POLR3B: variants seen among roughly 807,000 people sequenced by gnomAD.
The protein encoded by POLR3B is RNA polymerase III subunit B.
Under a neutral mutation model 147.4 loss-of-function variants are expected in POLR3B, and 96 were observed. The observed-to-expected ratio is 0.65, with a 90% CI of 0.55 to 0.77. The LOEUF (loss-of-function observed/expected upper bound fraction) is 0.77, where lower values mean the gene tolerates loss of function less well. Among genes scored for constraint, POLR3B ranks in the 30% least tolerant of loss-of-function variants. The pLI, the probability that POLR3B is intolerant of heterozygous loss-of-function variation, is 0.00. For missense variants in POLR3B, 1,036 were observed against 1,413.5 expected, an observed-to-expected ratio of 0.73 and a Z score of 4.28; for synonymous variants, 461 against 485.9, an observed-to-expected ratio of 0.95 and a Z score of 0.67.
chr12:106,462,895 A>G (rs376061781), intron 22 of POLR3B, among the ~76,000 whole-genome samples: 78 of 152,020 alleles, frequency 5.1e-4, no homozygotes, highest in African/African-American at 1.6e-3. Flanking sequence ...AGAATTGACT[A>G]TCTCCTTTGA....
intron 26 of POLR3B, among the ~76,000 whole-genome samples, chr12:106,502,551 A>T (rs2038618373): frequency 6.6e-6 from 1 of 152,156 alleles, no homozygotes; most frequent in Non-Finnish European, 1.5e-5. Flanking sequence ...ACTTTCACTG[A>T]GCACTGCCTG....
At position 106,410,939 on chromosome 12, in the gene POLR3B, G is replaced by A; in HGVS notation, c.1080G>A (p.Lys360=). 6.2e-7 allele frequency: 1 copy of A among 1,613,688 alleles called. No homozygotes were observed. The highest frequency in any genetic ancestry group is 8.5e-7 in the Non-Finnish European group (1 of 1,179,680). Residue 360 remains lysine (K), a synonymous_variant, in exon 12 of 28, where the codon AAG becomes AAA. Transcript: ENST00000228347. ...KVDDRDYYGN[K]RLELAGQLLS... is the part of the protein sequence containing the mutation. The stretch of plus-strand genomic sequence containing the variant: ...ACGACAGAGATTATTATGGTAACAA[G>A]CGACTGGAATTGGCAGGACAGGTGA...
chr12:106,401,016 A>C (rs1950972057), intron 10 of POLR3B, among the ~76,000 whole-genome samples: 1 of 152,264 alleles, frequency 6.6e-6, no homozygotes, highest in Non-Finnish European at 1.5e-5. Context: ...AAAACCCTTC[A>C]AAAACTCAAT....
intron 9 of POLR3B, among the ~76,000 whole-genome samples, chr12:106,382,989 T>G (rs144785133): frequency 6.6e-6 from 1 of 152,362 alleles, no homozygotes; most frequent in Non-Finnish European, 1.5e-5. Context: ...ATCAGTGATC[T>G]TAGCCAGATC....
At chr12:106,508,056 G>A (rs1168871547) in intron 27 of POLR3B, among the ~76,000 whole-genome samples, 2 of 152,088 alleles carry the variant, frequency 1.3e-5, no homozygotes, top group African/African-American at 4.8e-5. Context: ...AAACTTGTTT[G>A]AGGGCCCCCT....
At position 106,369,678 on chromosome 12, in the gene POLR3B, C is replaced by T. The variant is rs147328031; in HGVS notation, c.399C>T (p.Ile133=). The change falls in exon 6 of 28, where the codon ATC becomes ATT. Residue 133 remains isoleucine, a synonymous_variant. Transcript: ENST00000228347. ...SQRIIRNALP[I]GRMPIMLRSS... ...GGATCATCCGCAATGCCTTACCTAT[C>T]GGCAGGTGAGAAATGAAATCCGTAT... is the stretch of plus-strand genomic sequence containing the variant. The T allele has an allele frequency of 8.2e-4, 1,308 of 1,599,058 alleles. 27 individuals are homozygous for T. The East Asian group carries it at 8.5e-3, about 10-fold the overall frequency.
At chr12:106,487,749 G>C (rs940113293) in intron 23 of POLR3B, among the ~76,000 whole-genome samples, 1 of 152,194 alleles carries the variant, frequency 6.6e-6, no homozygotes, top group Non-Finnish European at 1.5e-5. Flanking sequence ...AGGATAATTA[G>C]TAGCTAAATG....
At chr12:106,418,420 A>T (rs1304302068) in intron 12 of POLR3B, among the ~76,000 whole-genome samples, 1 of 152,168 alleles carries the variant, frequency 6.6e-6, no homozygotes, top group Non-Finnish European at 1.5e-5. Flanking sequence ...CTGATAATGT[A>T]ATTAAGGCTG....
intron 4 of POLR3B, among the ~76,000 whole-genome samples, chr12:106,367,464 G>C (rs2036550723): frequency 6.6e-6 from 1 of 152,154 alleles, no homozygotes; most frequent in African/African-American, 2.4e-5. Context: ...AATCAATCCA[G>C]AGCTCCGTGT....
At chr12:106,465,239 T>C (rs2037988992) in intron 23 of POLR3B, among the ~76,000 whole-genome samples, 1 of 152,208 alleles carries the variant, frequency 6.6e-6, no homozygotes, top group African/African-American at 2.4e-5. Flanking sequence ...GTCTCTATCT[T>C]ACTTGGCCTC....
rs1182774939 is a variant in POLR3B, at chr12:106,509,700, A to G, written c.*151A>G. 2 of 686,866 alleles carry G rather than the reference A, an allele frequency of 2.9e-6. No homozygotes were observed. Among genetic ancestry groups the G allele is most frequent in the Admixed American group, 2.2e-5 (1 of 45,452 alleles). The allele number at this position is 686,866 out of a possible 1,614,324, so 42.5% of individuals were successfully genotyped here. A position where few individuals can be genotyped will look rare whatever the true frequency, so the allele number is the denominator to read the frequency against. ...AAAAAAAAATGGAGAGGCTTTTTAT[A>G]TACTCTAAGACTGGCTAAACAACCT... On this transcript the variant is annotated 3_prime_UTR_variant, in exon 28 of 28. Transcript: ENST00000228347.
At chr12:106,479,772 T>G (rs1377894264) in intron 23 of POLR3B, among the ~76,000 whole-genome samples, 1 of 148,362 alleles carries the variant, frequency 6.7e-6, no homozygotes, top group Non-Finnish European at 1.5e-5. Flanking sequence ...TTAGTTTTCT[T>G]CTGTTTCTAA....
chr12:106,480,655 T>C (rs929127815), intron 23 of POLR3B, among the ~76,000 whole-genome samples: 1 of 152,198 alleles, frequency 6.6e-6, no homozygotes, highest in Non-Finnish European at 1.5e-5. Context: ...TTCCTGGCTG[T>C]ATGGACTAGG....
chr12:106,497,136 A>AAT (rs1555218340), intron 25 of POLR3B, among the ~76,000 whole-genome samples: 2 of 105,048 alleles, frequency 1.9e-5, no homozygotes, highest in South Asian at 3.7e-4. Flanking sequence ...AAAAAAAAAA[A>AAT]TTTTTTTTTT....
intron 19 of POLR3B, among the ~76,000 whole-genome samples, chr12:106,445,329 C>G (rs951603557): frequency 6.6e-6 from 1 of 152,158 alleles, no homozygotes; most frequent in Admixed American, 6.5e-5. Context: ...AATTGACAAC[C>G]AAAATCTAAG....
At chr12:106,416,577 T>G (rs1451666993) in intron 12 of POLR3B, among the ~76,000 whole-genome samples, 1 of 152,162 alleles carries the variant, frequency 6.6e-6, no homozygotes, top group African/African-American at 2.4e-5. Flanking sequence ...AGACCTGAGC[T>G]TCAGATGTAG....
intron 25 of POLR3B, 112 bp downstream of exon 25, chr12:106,497,030 C>T: frequency 9.4e-7 from 1 of 1,069,154 alleles, no homozygotes; most frequent in Non-Finnish European, 1.4e-6. Context: ...GCTTGTACAG[C>T]CCGTGGGCGG....
chr12:106,456,658 T>C (rs531751868), intron 20 of POLR3B, among the ~76,000 whole-genome samples: 4 of 152,202 alleles, frequency 2.6e-5, no homozygotes, highest in Non-Finnish European at 5.9e-5. Flanking sequence ...CAGGAGTCAG[T>C]GGACTTGTGC....
At chr12:106,478,520 A>G (rs1172233573) in intron 23 of POLR3B, among the ~76,000 whole-genome samples, 1 of 151,622 alleles carries the variant, frequency 6.6e-6, no homozygotes, top group Non-Finnish European at 1.5e-5. Context: ...TTTTTTTTCC[A>G]GATGGCTTTT....
Sources: allele counts gnomAD v4.1 joint callset (sites outside exome capture counted in the v4.1 genomes callset), GRCh38; gene constraint gnomAD v4.1.1; transcripts MANE v1.5; gene names NCBI Gene and HGNC (gene_info 2026-07-23, HGNC 2026-07-21).